The following LYSMD2 variants were observed in gnomAD, a reference collection of about 807,000 sequenced individuals.
LYSMD2 encodes the protein lysM and putative peptidoglycan-binding domain-containing protein 2.
Under a neutral mutation model 17.7 loss-of-function variants are expected in LYSMD2, and 6 were observed. The observed-to-expected ratio is 0.34, with a 90% CI of 0.19 to 0.67. The LOEUF (loss-of-function observed/expected upper bound fraction) is 0.67, where lower values mean the gene tolerates loss of function less well. Ranked by LOEUF, LYSMD2 falls within the 30% of genes least tolerant of loss-of-function variation. The probability of loss-of-function intolerance (pLI) is 0.69; values close to 1 mark genes in which losing one functional copy is unlikely to be tolerated. For missense variants in LYSMD2, 237 were observed against 286.7 expected (o/e 0.83, Z 1.25); for synonymous variants, 102 against 129.8 (o/e 0.79, Z 1.45).
intron 1 of LYSMD2, among the ~76,000 whole-genome samples, chr15:51,733,785 T>C (rs2055591662): frequency 6.6e-6 from 1 of 152,164 alleles, no homozygotes; most frequent in Admixed American, 6.5e-5. Context: ...CCCATGAAGC[T>C]AGCCCTGTAT....
At position 51,751,299 on chromosome 15, in the gene LYSMD2, G is replaced by T. The variant is rs1422873777; in HGVS notation, c.-29C>A. 4.3e-6 allele frequency: 3 copies of T among 702,406 alleles called. No individual in the cohort carries two copies. In the Admixed American group the frequency reaches 6.0e-5, roughly 14 times the overall value. The allele number at this position is 702,406 out of a possible 1,614,324, so 43.5% of individuals were successfully genotyped here. A position where few individuals can be genotyped will look rare whatever the true frequency, so the allele number is the denominator to read the frequency against. On this transcript the variant is annotated 5_prime_UTR_variant, in exon 1 of 3. Transcript: ENST00000454181. ...AGACCGCTCTCAACGCGGCTTCCGT[G>T]TCAGGATGCTCGCTCACAGGAATGC...
chr15:51,724,073 T>C (rs1235495106), intron 2 of LYSMD2, among the ~76,000 whole-genome samples: 1 of 152,056 alleles, frequency 6.6e-6, no homozygotes, highest in African/African-American at 2.4e-5. Flanking sequence ...GAAACCAATG[T>C]ATTAATCATA....
intron 1 of LYSMD2, among the ~76,000 whole-genome samples, chr15:51,725,376 G>C (rs761386548): frequency 6.6e-6 from 1 of 152,162 alleles, no homozygotes; most frequent in African/African-American, 2.4e-5. Context: ...CTACAAGGCA[G>C]CTTTTAACAT....
In LYSMD2 at chr15:51,724,890, C is replaced by T. The variant is rs2055527736; in HGVS notation, c.505G>A (p.Val169Met). Residue 169 changes from valine to methionine, a missense_variant, in exon 2 of 3, where the codon GTG (valine) becomes ATG (methionine). Val to Met is a conservative substitution (Grantham distance 21, BLOSUM62 1). Transcript: ENST00000267838. ...PSPQESDVQPVQPEEVSARDF... is the reference protein window; with the variant it reads ...PSPQESDVQPMQPEEVSARDF... ...CTGGCTGACACTTCCTCAGGCTGCA[C>T]AGGCTGAACATCAGATTCTTGAGGA... The T allele has an allele frequency of 6.2e-7, 1 of 1,614,016 alleles. No homozygotes were observed. The highest frequency in any genetic ancestry group is 1.7e-5 in the Admixed American group (1 of 60,000).
intron 1 of LYSMD2, among the ~76,000 whole-genome samples, chr15:51,729,527 C>T (rs998615892): frequency 2.6e-5 from 4 of 152,226 alleles, no homozygotes; most frequent in Non-Finnish European, 4.4e-5. Context: ...GGCACGATCT[C>T]GGCTCACTGC....
intron 1 of LYSMD2, among the ~76,000 whole-genome samples, chr15:51,727,107 G>A (rs1429646766): frequency 6.6e-6 from 1 of 152,146 alleles, no homozygotes; most frequent in Non-Finnish European, 1.5e-5. Flanking sequence ...TCAGAGGAGT[G>A]GGCATGGAAG....
At chr15:51,738,481 C>G (rs2055627064), upstream of LYSMD2, among the ~76,000 whole-genome samples, 1 of 152,144 alleles carries the variant, frequency 6.6e-6, no homozygotes, top group South Asian at 2.1e-4. Context: ...ATCGCATCTC[C>G]CTGCCCCGTA....
At chr15:51,728,851 C>T (rs543167232) in intron 1 of LYSMD2, among the ~76,000 whole-genome samples, 17 of 148,768 alleles carry the variant, frequency 1.1e-4, no homozygotes, top group African/African-American at 4.0e-4. Context: ...CCCTGGGTGA[C>T]AGAGTGAGAC....
chr15:51,749,794 G>A (rs756369048), intron 1 of LYSMD2, among the ~76,000 whole-genome samples: 5 of 152,156 alleles, frequency 3.3e-5, no homozygotes, highest in African/African-American at 9.7e-5. Flanking sequence ...GCATCCTGTC[G>A]GTTACACAGG....
rs1003594822 is a variant in LYSMD2 at position 51,737,205 on chromosome 15, G to T, written c.273+145C>A. 6 of 831,056 alleles carry T rather than the reference G, an allele frequency of 7.2e-6. No individual in the cohort carries two copies. Among genetic ancestry groups the T allele is most frequent in the Non-Finnish European group, 9.7e-6 (6 of 617,200 alleles). 51.5% of individuals were successfully genotyped at this position (831,056 alleles called of 1,614,324 possible). ...CTGAGCGAGCCCTGGGAGCCGAGCC[G>T]CCCGGGGACGCACGGCCGTCCCTGC... On this transcript the variant is annotated intron_variant, in intron 1 of 2. Transcript: ENST00000267838. The surrounding 1 kb of genome is among the most constrained non-coding windows in gnomAD (Gnocchi z 4.2).
At chr15:51,744,663 A>C (rs577331760) in intron 1 of LYSMD2, among the ~76,000 whole-genome samples, 1 of 152,166 alleles carries the variant, frequency 6.6e-6, no homozygotes, top group Non-Finnish European at 1.5e-5. Context: ...GCATTATAGA[A>C]TTAGTTAAGA....
At chr15:51,742,012 G>A (rs925892481), upstream of LYSMD2, among the ~76,000 whole-genome samples, 6 of 150,700 alleles carry the variant, frequency 4.0e-5, no homozygotes, top group South Asian at 2.1e-4. Flanking sequence ...ATCTATTTCC[G>A]AAAGTTTGTC....
chr15:51,729,188 AAAGTGTAG>A (rs1407113784), intron 1 of LYSMD2, among the ~76,000 whole-genome samples: 3 of 152,260 alleles, frequency 2.0e-5, no homozygotes, highest in Non-Finnish European at 2.9e-5. Context: ...TCATGTGGCT[AAAGTGTAG>A]GGAGTAATAA....
At chr15:51,747,969 C>T (rs1354492475) in intron 1 of LYSMD2, among the ~76,000 whole-genome samples, 1 of 152,082 alleles carries the variant, frequency 6.6e-6, no homozygotes, top group Non-Finnish European at 1.5e-5. Context: ...GTATTATTAT[C>T]CTCAGTTTAA....
At chr15:51,737,883 G>A (rs1353641952), upstream of LYSMD2, 6 of 261,722 alleles carry the variant, frequency 2.3e-5, no homozygotes, top group African/African-American at 6.7e-5. This position sits in a 1 kb window ranked among gnomAD's most constrained non-coding sequence, Gnocchi z 4.2. Context: ...CGGCCTGCCG[G>A]TACCGGGAAG....
At chr15:51,746,681 C>G (rs573313938) in intron 1 of LYSMD2, among the ~76,000 whole-genome samples, 1 of 152,238 alleles carries the variant, frequency 6.6e-6, no homozygotes, top group South Asian at 2.1e-4. Flanking sequence ...AGCTCCAACA[C>G]TCAGCTTCAA....
chr15:51,725,823 C>T (rs1270841716), intron 1 of LYSMD2, among the ~76,000 whole-genome samples: 1 of 152,088 alleles, frequency 6.6e-6, no homozygotes, highest in Non-Finnish European at 1.5e-5. Context: ...CTACTCTCCA[C>T]TTTGCGATGA....
At chr15:51,725,849 A>G (rs2055536603) in intron 1 of LYSMD2, among the ~76,000 whole-genome samples, 1 of 152,194 alleles carries the variant, frequency 6.6e-6, no homozygotes, top group East Asian at 1.9e-4. Context: ...TCAAAACACA[A>G]AAGAGATGGT....
chr15:51,742,917 G>A (rs1052478854), intron 1 of LYSMD2, among the ~76,000 whole-genome samples: 2 of 152,142 alleles, frequency 1.3e-5, no homozygotes, highest in Non-Finnish European at 2.9e-5. Context: ...AGCCATGATC[G>A]CCCCACTGCA....
Sources: gnomAD v4.1 joint callset for allele counts (sites outside exome capture counted in the v4.1 genomes callset) on GRCh38, gnomAD v4.1.1 for gene constraint, Gnocchi (gnomAD v3.1) non-coding constraint, MANE v1.5 for transcripts, NCBI Gene and HGNC (gene_info 2026-07-23, HGNC 2026-07-21) for gene names.